Variants in PPFIA2 observed in about 807,000 individuals in gnomAD.
PPFIA2 encodes PPFI scaffold protein A2, also known as liprin-alpha-2.
Under a neutral mutation model 175.5 loss-of-function variants are expected in PPFIA2, and 46 were observed. The ratio of observed to expected loss-of-function variants is 0.26; its 90% CI spans 0.21 to 0.34. The LOEUF (loss-of-function observed/expected upper bound fraction) is 0.34, where lower values mean the gene tolerates loss of function less well. Ranked by LOEUF, PPFIA2 falls within the 10% of genes least tolerant of loss-of-function variation. The probability of loss-of-function intolerance (pLI) is 1.00; values close to 1 mark genes in which losing one functional copy is unlikely to be tolerated. For missense variants in PPFIA2, 1,179 were observed against 1,506.1 expected, an observed-to-expected ratio of 0.78 and a Z score of 3.60; for synonymous variants, 568 against 511.4, an observed-to-expected ratio of 1.11 and a Z score of -1.49.
chr12:81,671,686 A>G (rs1041627763), intron 4 of PPFIA2, among the ~76,000 whole-genome samples: 2 of 151,934 alleles, frequency 1.3e-5, no homozygotes, highest in Non-Finnish European at 2.9e-5. Context: ...GCCCAGGCTT[A>G]ACTTTCTAGC....
At chr12:81,642,714 G>A (rs57656058) in intron 4 of PPFIA2, among the ~76,000 whole-genome samples, 15,341 of 23,272 alleles carry the variant, frequency 0.66, 6,866 homozygotes, top group East Asian at 0.93. Flanking sequence ...ATGTATGTAT[G>A]TATTATATAC....
At chr12:81,470,201 G>T (rs1037738919) in intron 4 of PPFIA2, among the ~76,000 whole-genome samples, 3 of 152,132 alleles carry the variant, frequency 2.0e-5, no homozygotes, top group South Asian at 2.1e-4. Flanking sequence ...ATAAAGGGCT[G>T]GTTGTCAAAA....
intron 4 of PPFIA2, among the ~76,000 whole-genome samples, chr12:81,584,775 G>T (rs2074937656): frequency 7.6e-6 from 1 of 131,382 alleles, no homozygotes; most frequent in Non-Finnish European, 1.6e-5. Flanking sequence ...TAGCATAAAA[G>T]AATAAAAAGC....
In PPFIA2 at chr12:81,758,813, G is replaced by A. The variant is rs781392646; in HGVS notation, c.-110-306C>T. The A allele has an allele frequency of 2.5e-5, 4 of 160,638 alleles. No individual in the cohort carries two copies. In the Admixed American group the frequency reaches 2.5e-4, roughly 10 times the overall value. 10.0% of individuals were successfully genotyped at this position (160,638 alleles called of 1,614,324 possible). On this transcript the variant is annotated intron_variant, in intron 1 of 32. Coordinates refer to ENST00000549396, the MANE Select transcript of PPFIA2 (RefSeq NM_003625.5). ...AGCCCCGGGGCGGAGACCGGAGACCGGGGACTGGGTTTGACTTTCAGAAAC... is the reference window on the plus strand; with the variant it reads ...AGCCCCGGGGCGGAGACCGGAGACCAGGGACTGGGTTTGACTTTCAGAAAC...
intron 1 of PPFIA2, 81 bp from the exon 2 acceptor site, chr12:81,758,588 G>C: frequency 2.8e-6 from 1 of 360,830 alleles, no homozygotes; most frequent in Non-Finnish European, 5.6e-6. Flanking sequence ...CCGGTGGCGT[G>C]GCAGGAGCTC....
At chr12:81,745,077 T>A (rs1206983302) in intron 3 of PPFIA2, among the ~76,000 whole-genome samples, 2 of 152,224 alleles carry the variant, frequency 1.3e-5, no homozygotes, top group Non-Finnish European at 2.9e-5. Context: ...GTTAAGAAAT[T>A]AATATGAAAC....
At chr12:81,752,025 G>A (rs531410019) in intron 3 of PPFIA2, among the ~76,000 whole-genome samples, 80 of 152,106 alleles carry the variant, frequency 5.3e-4, no homozygotes, top group Non-Finnish European at 1.0e-3. Flanking sequence ...AATCTAGAAA[G>A]ACAAATGTAA....
chr12:81,610,161 T>C (rs1179089364), intron 4 of PPFIA2, among the ~76,000 whole-genome samples: 3 of 152,158 alleles, frequency 2.0e-5, no homozygotes, highest in Non-Finnish European at 4.4e-5. Context: ...GTTACTTTTG[T>C]ACCTGACTTG....
intron 4 of PPFIA2, among the ~76,000 whole-genome samples, chr12:81,504,818 A>G (rs1379418314): frequency 6.6e-6 from 1 of 152,242 alleles, no homozygotes; most frequent in African/African-American, 2.4e-5. Context: ...GCAGCCATAA[A>G]AAAGGATGAG....
chr12:81,265,963 A>G (rs74103947), intron 30 of PPFIA2, among the ~76,000 whole-genome samples: 2,173 of 152,306 alleles, frequency 0.014, 54 homozygotes, highest in African/African-American at 0.05. Context: ...GCTTTTAAAA[A>G]TATTAATCAT....
chr12:81,673,556 T>C (rs2071847181), intron 4 of PPFIA2, among the ~76,000 whole-genome samples: 1 of 152,070 alleles, frequency 6.6e-6, no homozygotes, highest in African/African-American at 2.4e-5. Context: ...TTTGTACTTC[T>C]ATGTAAATAT....
chr12:81,455,266 G>C (rs2053381202), intron 5 of PPFIA2, among the ~76,000 whole-genome samples: 1 of 152,136 alleles, frequency 6.6e-6, no homozygotes, highest in Non-Finnish European at 1.5e-5. Flanking sequence ...TACTACTTCT[G>C]GGGGATGGAG....
intron 4 of PPFIA2, among the ~76,000 whole-genome samples, chr12:81,561,069 T>C (rs1388716326): frequency 6.6e-6 from 1 of 152,192 alleles, no homozygotes. Flanking sequence ...ATGATTTACA[T>C]AACTCACTAA....
At chr12:81,451,692 T>C (rs1212357103) in intron 5 of PPFIA2, among the ~76,000 whole-genome samples, 1 of 152,174 alleles carries the variant, frequency 6.6e-6, no homozygotes, top group African/African-American at 2.4e-5. Flanking sequence ...ATTTCACTTA[T>C]CCCCAATACC....
intron 3 of PPFIA2, among the ~76,000 whole-genome samples, chr12:81,724,228 T>C (rs1446587145): frequency 2.0e-5 from 3 of 151,000 alleles, no homozygotes; most frequent in Non-Finnish European, 4.5e-5. Flanking sequence ...CCAAATAACA[T>C]TGTGTTATGC....
chr12:81,451,807 G>A (rs1488319541), intron 5 of PPFIA2, among the ~76,000 whole-genome samples: 1 of 151,960 alleles, frequency 6.6e-6, no homozygotes, highest in Admixed American at 6.6e-5. Context: ...GTTCTCATCT[G>A]GCATATATAT....
chr12:81,511,614 G>A (rs2061808682), intron 4 of PPFIA2, among the ~76,000 whole-genome samples: 1 of 151,844 alleles, frequency 6.6e-6, no homozygotes, highest in Non-Finnish European at 1.5e-5. Context: ...TTCTGTGAGG[G>A]GAAAAACGAA....
intron 3 of PPFIA2, among the ~76,000 whole-genome samples, chr12:81,680,729 G>C (rs947926213): frequency 6.6e-6 from 1 of 151,984 alleles, no homozygotes; most frequent in Admixed American, 6.6e-5. Context: ...CTTAGGTGCA[G>C]TATGGAATTG....
chr12:81,455,519 T>C (rs1019326375), intron 5 of PPFIA2, among the ~76,000 whole-genome samples: 4 of 152,214 alleles, frequency 2.6e-5, no homozygotes, highest in Non-Finnish European at 5.9e-5. Context: ...CTTTGTATTT[T>C]TCTAATTTTG....
Sources: gnomAD v4.1 joint callset for allele counts (sites outside exome capture counted in the v4.1 genomes callset) on GRCh38, gnomAD v4.1.1 for gene constraint, MANE v1.5 for transcripts, NCBI Gene and HGNC (gene_info 2026-07-23, HGNC 2026-07-21) for gene names.